ATE1: variants seen among roughly 807,000 people sequenced by gnomAD.
The protein encoded by ATE1 is arginyltransferase 1.
ATE1 carries 36 observed loss-of-function variants against 70.5 expected under a neutral mutation model. The ratio of observed to expected loss-of-function variants is 0.51; its 90% CI spans 0.39 to 0.67. ATE1 has a LOEUF of 0.67. Among genes scored for constraint, ATE1 ranks in the 30% least tolerant of loss-of-function variants. The probability of loss-of-function intolerance (pLI) is 0.00; values close to 1 mark genes in which losing one functional copy is unlikely to be tolerated. For synonymous variants in ATE1, 232 were observed against 219.3 expected (o/e 1.06, Z -0.51); for missense variants, 593 against 629.5 (o/e 0.94, Z 0.62).
intron 4 of ATE1, 110 bp downstream of exon 4, chr10:121,913,680 T>C (rs1001035733): frequency 3.1e-6 from 2 of 640,390 alleles, no homozygotes; most frequent in Admixed American, 2.9e-5. Context: ...GTCATCATAG[T>C]AGTAGCAGTA....
chr10:121,919,193 T>C (rs534287731), intron 3 of ATE1, among the ~76,000 whole-genome samples: 7 of 152,082 alleles, frequency 4.6e-5, no homozygotes, highest in Non-Finnish European at 7.4e-5. Context: ...TGCTGCTCAT[T>C]CTTTGGGTCT....
intron 9 of ATE1, among the ~76,000 whole-genome samples, chr10:121,840,026 C>A (rs1948571451): frequency 6.6e-6 from 1 of 152,150 alleles, no homozygotes; most frequent in African/African-American, 2.4e-5. Flanking sequence ...CTCAAGCTCC[C>A]AGATAAACAA....
intron 10 of ATE1, among the ~76,000 whole-genome samples, chr10:121,791,118 G>A (rs1946439562): frequency 7.4e-6 from 1 of 134,970 alleles, no homozygotes; most frequent in Admixed American, 8.1e-5. Context: ...TTTTGAGATA[G>A]ATTCTTGCTC....
intron 10 of ATE1, among the ~76,000 whole-genome samples, chr10:121,825,639 T>C (rs1376442696): frequency 1.3e-5 from 2 of 152,058 alleles, no homozygotes; most frequent in Non-Finnish European, 2.9e-5. Flanking sequence ...CCCATTACAA[T>C]AGCTAGTATT....
intron 7 of ATE1, among the ~76,000 whole-genome samples, chr10:121,872,767 A>C (rs951442845): frequency 1.3e-5 from 2 of 151,920 alleles, no homozygotes; most frequent in African/African-American, 4.8e-5. Flanking sequence ...TAAAAAGTAA[A>C]GTCTATTGAA....
intron 10 of ATE1, among the ~76,000 whole-genome samples, chr10:121,795,470 A>AT (rs1946625518): frequency 6.6e-6 from 1 of 152,098 alleles, no homozygotes; most frequent in Non-Finnish European, 1.5e-5. Flanking sequence ...AAGTTTCTAA[A>AT]TTTTCACAGT....
chr10:121,807,892 T>C (rs948093623), intron 10 of ATE1, among the ~76,000 whole-genome samples: 3 of 152,216 alleles, frequency 2.0e-5, no homozygotes, highest in African/African-American at 4.8e-5. Flanking sequence ...AAAGTTTCAC[T>C]GGAACACAGC....
At chr10:121,752,025 C>A (rs377130691) in intron 11 of ATE1, among the ~76,000 whole-genome samples, 26 of 151,386 alleles carry the variant, frequency 1.7e-4, no homozygotes, top group East Asian at 1.4e-3. Flanking sequence ...AACCCCGTCT[C>A]TACTAAAAAA....
chr10:121,914,008 A>AGATG, intron 3 of ATE1, 115 bp from the exon 4 acceptor site: 1 of 713,966 alleles, frequency 1.4e-6, no homozygotes, highest in Admixed American at 2.9e-5. Context: ...TTCTGGTTAA[A>AGATG]GATGGGGCTT....
chr10:121,821,270 T>A (rs1947787892), intron 10 of ATE1, among the ~76,000 whole-genome samples: 1 of 152,082 alleles, frequency 6.6e-6, no homozygotes, highest in South Asian at 2.1e-4. Flanking sequence ...GGCCATAGGG[T>A]AGGCAAATAT....
At chr10:121,841,466 A>T (rs1590452988) in intron 8 of ATE1, among the ~76,000 whole-genome samples, 1 of 152,192 alleles carries the variant, frequency 6.6e-6, no homozygotes, top group African/African-American at 2.4e-5. Context: ...CAAAAAGAGA[A>T]ATCAATTTAT....
At chr10:121,914,021 T>C in intron 3 of ATE1, 128 bp from the exon 4 acceptor site, 1 of 642,146 alleles carries the variant, frequency 1.6e-6, no homozygotes, top group Non-Finnish European at 2.6e-6. Flanking sequence ...TGGGGCTTAA[T>C]GTAGCCTCTA....
intron 11 of ATE1, among the ~76,000 whole-genome samples, chr10:121,773,015 C>A (rs76050189): frequency 0.038 from 5,800 of 152,226 alleles, 356 homozygotes; most frequent in African/African-American, 0.12. Flanking sequence ...TTTCTTTAAA[C>A]CTCTTATAGC....
chr10:121,925,976 C>A (rs897278997), intron 1 of ATE1, among the ~76,000 whole-genome samples: 4 of 151,868 alleles, frequency 2.6e-5, no homozygotes, highest in African/African-American at 9.7e-5. Flanking sequence ...GAGGCCGAGG[C>A]GGGTAGATCA....
chr10:121,905,493 T>A (rs990356956), intron 5 of ATE1, among the ~76,000 whole-genome samples: 1 of 152,138 alleles, frequency 6.6e-6, no homozygotes, highest in Admixed American at 6.6e-5. Flanking sequence ...GCTGGGTAAG[T>A]CTTCTCATGA....
chr10:121,875,584 C>T (rs1157136797), intron 7 of ATE1, among the ~76,000 whole-genome samples: 1 of 152,092 alleles, frequency 6.6e-6, no homozygotes, highest in Non-Finnish European at 1.5e-5. Flanking sequence ...GGATTACAGG[C>T]GTGAGCCACC....
intron 9 of ATE1, among the ~76,000 whole-genome samples, chr10:121,838,338 AGCTC>A (rs1319735381): frequency 6.1e-4 from 92 of 149,792 alleles, no homozygotes; most frequent in Middle Eastern, 3.5e-3. Context: ...CCTTCTCACC[AGCTC>A]ACTCCACCTG....
At chr10:121,915,911 C>A (rs927762309) in intron 3 of ATE1, among the ~76,000 whole-genome samples, 134 of 133,132 alleles carry the variant, frequency 1.0e-3, no homozygotes, top group Admixed American at 2.4e-3. Context: ...CAAAACAAAA[C>A]AAAACAAAAA....
chr10:121,896,861 C>T (rs923893976), intron 7 of ATE1, among the ~76,000 whole-genome samples: 3 of 149,490 alleles, frequency 2.0e-5, no homozygotes, highest in Non-Finnish European at 4.4e-5. Context: ...GCCTCATCCC[C>T]TATTACCTCC....
Sources: gnomAD v4.1 joint callset for allele counts (sites outside exome capture counted in the v4.1 genomes callset) on GRCh38, gnomAD v4.1.1 for gene constraint, MANE v1.5 for transcripts, NCBI Gene and HGNC (gene_info 2026-07-23, HGNC 2026-07-21) for gene names.